SAP30BP: variants seen among roughly 807,000 people sequenced by gnomAD.
SAP30BP encodes SAP30 binding protein.
A neutral mutation model predicts 46.3 loss-of-function variants in SAP30BP; 31 were observed. The observed-to-expected ratio is 0.67, with a 90% CI of 0.50 to 0.90. The LOEUF (loss-of-function observed/expected upper bound fraction) is 0.90, where lower values mean the gene tolerates loss of function less well. Among genes scored for constraint, SAP30BP ranks in the 40% least tolerant of loss-of-function variants. The pLI is 0.00. For synonymous variants in SAP30BP, 169 were observed against 144.2 expected (o/e 1.17, Z -1.23); for missense variants, 312 against 391.0 (o/e 0.80, Z 1.70).
At chr17:75,672,111 G>A in intron 3 of SAP30BP, 1 of 490,900 alleles carries the variant, frequency 2.0e-6, no homozygotes, top group South Asian at 2.3e-5. Flanking sequence ...AAGGCGAGAG[G>A]CCTGGCTGAG....
chr17:75,670,321 T>TAA (rs74801867), intron 2 of SAP30BP, among the ~76,000 whole-genome samples: 1 of 144,940 alleles, frequency 6.9e-6, no homozygotes. Context: ...GACTCCATCT[T>TAA]AAAAAAAAAA....
chr17:75,699,300 TCAAG>T (rs573647797), intron 4 of SAP30BP, among the ~76,000 whole-genome samples: 174 of 152,320 alleles, frequency 1.1e-3, no homozygotes, highest in Non-Finnish European at 2.1e-3. Context: ...ACCTTCGGGT[TCAAG>T]CAATTCTAGT....
At position 75,707,629 on chromosome 17, in the gene SAP30BP, CTG is replaced by C. The variant is rs1388271865; in HGVS notation, c.*1111_*1112del. On this transcript the variant is annotated 3_prime_UTR_variant, in exon 11 of 11. Coordinates refer to ENST00000584667, the MANE Select transcript of SAP30BP (RefSeq NM_013260.8). ...TGGGACCTGGGGAATATAAGGAACTCTGTGCATGAGGTTTCAAAAATAAAAAT... is the reference window on the plus strand; with the variant it reads ...TGGGACCTGGGGAATATAAGGAACTCTGCATGAGGTTTCAAAAATAAAAAT... The C allele has an allele frequency of 6.6e-6, 1 of 152,602 alleles. No individual in the cohort carries two copies. The highest frequency in any genetic ancestry group is 1.5e-5 in the Non-Finnish European group (1 of 68,056). The allele number at this position is 152,602 out of a possible 1,614,324, so 9.5% of individuals were successfully genotyped here.
chr17:75,704,073 G>A lies in SAP30BP; in HGVS notation c.601+214G>A, dbSNP rs1306824643. ...GAAGATGGAACGTCACGCCAGTAACGCCAGCATCGATGAGTGTTGGTGATG... is the reference window on the plus strand; with the variant it reads ...GAAGATGGAACGTCACGCCAGTAACACCAGCATCGATGAGTGTTGGTGATG... On this transcript the variant is annotated intron_variant, in intron 8 of 10. Coordinates refer to ENST00000584667, the MANE Select transcript of SAP30BP (RefSeq NM_013260.8). Among the ~76,000 whole-genome samples, 11 of 152,314 alleles carry A rather than the reference G, an allele frequency of 7.2e-5. No homozygotes were observed. In the South Asian group the frequency reaches 8.3e-4, roughly 11 times the overall value.
chr17:75,690,810 C>G (rs2060230959), intron 3 of SAP30BP: 1 of 455,108 alleles, frequency 2.2e-6, no homozygotes, highest in Non-Finnish European at 4.4e-6. Flanking sequence ...GATTGATTCT[C>G]CAGAGCCTTG....
intron 3 of SAP30BP, among the ~76,000 whole-genome samples, chr17:75,680,862 C>T (rs2060066019): frequency 6.6e-6 from 1 of 152,064 alleles, no homozygotes; most frequent in Non-Finnish European, 1.5e-5. Flanking sequence ...TGGTGAAACC[C>T]GTCTCTACAG....
At chr17:75,668,771 T>G in intron 2 of SAP30BP, 146 bp downstream of exon 2, 2 of 586,676 alleles carry the variant, frequency 3.4e-6, no homozygotes, top group Non-Finnish European at 6.0e-6. Flanking sequence ...GAAACTGGAT[T>G]GGATATCAGA....
chr17:75,681,926 C>G (rs963460965), intron 3 of SAP30BP, among the ~76,000 whole-genome samples: 1 of 152,108 alleles, frequency 6.6e-6, no homozygotes, highest in African/African-American at 2.4e-5. Context: ...GCATTGCAAA[C>G]AGGTTGTTTG....
At chr17:75,689,557 A>T (rs1746734771) in intron 3 of SAP30BP, among the ~76,000 whole-genome samples, 1 of 152,120 alleles carries the variant, frequency 6.6e-6, no homozygotes. Flanking sequence ...GTTGTTGCTC[A>T]TGTCTCTGGG....
rs16968161 is a variant in SAP30BP at position 75,668,632 on chromosome 17, A to G, written c.216+7A>G. On this transcript the variant is annotated splice_region_variant and intron_variant, in intron 2 of 10. Transcript: ENST00000584667. ...TGAGAACAGTAGACAGTCGGTAGGT[A>G]AATCTCCCAGATCCAGAGCTACTGA... 7.4e-3 allele frequency: 11,444 copies of G among 1,547,094 alleles called. 679 individuals are homozygous for G. The African/African-American group carries it at 0.13, about 17-fold the overall frequency.
chr17:75,692,610 C>A, intron 3 of SAP30BP: 1 of 674,854 alleles, frequency 1.5e-6, no homozygotes, highest in Non-Finnish European at 1.8e-6. Flanking sequence ...GCTTTCTCAG[C>A]ATTGATTTTG....
intron 2 of SAP30BP, among the ~76,000 whole-genome samples, chr17:75,669,624 C>T (rs2059879492): frequency 6.6e-6 from 1 of 152,172 alleles, no homozygotes; most frequent in African/African-American, 2.4e-5. Context: ...CTTCTGGCCT[C>T]AAGCAATTCC....
chr17:75,684,496 A>G (rs972405477), intron 3 of SAP30BP: 2 of 152,186 alleles, frequency 1.3e-5, no homozygotes, highest in African/African-American at 4.8e-5. Context: ...GCCCTTGACC[A>G]TTGCTGGTTT....
At chr17:75,703,683 C>A in intron 7 of SAP30BP, 125 bp from the exon 8 acceptor site, 1 of 874,048 alleles carries the variant, frequency 1.1e-6, no homozygotes. Flanking sequence ...GGCTAAAGAC[C>A]AAAGATGACA....
At chr17:75,702,896 A>C (rs192203179) in intron 6 of SAP30BP, 49 of 306,536 alleles carry the variant, frequency 1.6e-4, no homozygotes, top group Non-Finnish European at 2.9e-4. Flanking sequence ...TGGACTAGAC[A>C]ATTACTGTAG....
intron 4 of SAP30BP, among the ~76,000 whole-genome samples, chr17:75,695,687 G>A (rs1175964347): frequency 6.6e-6 from 1 of 152,124 alleles, no homozygotes; most frequent in African/African-American, 2.4e-5. Flanking sequence ...TGTCCACTCT[G>A]GTGTCAGGAC....
intron 4 of SAP30BP, among the ~76,000 whole-genome samples, chr17:75,694,734 G>T (rs1244118641): frequency 6.6e-6 from 1 of 152,220 alleles, no homozygotes; most frequent in African/African-American, 2.4e-5. Context: ...CACGGCTGGG[G>T]ATCAGAGAGC....
intron 4 of SAP30BP, among the ~76,000 whole-genome samples, chr17:75,695,004 A>G (rs1161304594): frequency 1.3e-5 from 2 of 152,164 alleles, no homozygotes; most frequent in African/African-American, 4.8e-5. Flanking sequence ...CACAATTGTG[A>G]TACAGAACGC....
intron 4 of SAP30BP, among the ~76,000 whole-genome samples, chr17:75,697,915 G>T (rs2060346883): frequency 6.6e-6 from 1 of 152,162 alleles, no homozygotes; most frequent in Non-Finnish European, 1.5e-5. Flanking sequence ...AAGCCAGCCG[G>T]GCAGCTCAGC....
Sources: allele counts gnomAD v4.1 joint callset (sites outside exome capture counted in the v4.1 genomes callset), GRCh38; gene constraint gnomAD v4.1.1; transcripts MANE v1.5; gene names NCBI Gene and HGNC (gene_info 2026-07-23, HGNC 2026-07-21).